Variants in PLAAT1 observed in about 807,000 individuals in gnomAD.
PLAAT1 encodes H-REV107 protein-related protein.
Under a neutral mutation model 16.4 loss-of-function variants are expected in PLAAT1, and 13 were observed. The ratio of observed to expected loss-of-function variants is 0.79; its 90% CI spans 0.52 to 1.26. PLAAT1 has a LOEUF of 1.26. Ranked by LOEUF, PLAAT1 falls within the 50% of genes most tolerant of loss-of-function variation. The pLI is 0.00. For missense variants in PLAAT1, 218 were observed against 207.8 expected (o/e 1.05, Z -0.30); for synonymous variants, 73 against 78.4 (o/e 0.93, Z 0.36).
downstream of PLAAT1, among the ~76,000 whole-genome samples, chr3:193,273,556 T>C (rs950015135): frequency 1.3e-5 from 2 of 152,202 alleles, no homozygotes; most frequent in African/African-American, 4.8e-5. Context: ...ATTGAATCCG[T>C]ACATCATGGT....
downstream of PLAAT1, chr3:193,279,310 G>T: frequency 7.6e-7 from 1 of 1,308,018 alleles, no homozygotes; most frequent in South Asian, 1.2e-5. Flanking sequence ...GAATTACAAT[G>T]AATACATGGT....
chr3:193,275,372 A>G, downstream of PLAAT1: 2 of 1,546,642 alleles, frequency 1.3e-6, no homozygotes, highest in South Asian at 2.4e-5. Flanking sequence ...GCTGGCCACC[A>G]CAGCCACCTC....
At chr3:193,271,687 A>G (rs562184504), downstream of PLAAT1, among the ~76,000 whole-genome samples, 2 of 152,320 alleles carry the variant, frequency 1.3e-5, no homozygotes, top group Admixed American at 1.3e-4. Flanking sequence ...CATCCGTCTT[A>G]TGCTATCATC....
intron 2 of PLAAT1, among the ~76,000 whole-genome samples, chr3:193,260,190 A>G (rs1162820258): frequency 2.0e-5 from 3 of 152,148 alleles, no homozygotes; most frequent in Non-Finnish European, 2.9e-5. Context: ...GCCTTTCACT[A>G]TGTACAAAAA....
At chr3:193,274,994 T>C, downstream of PLAAT1, 1 of 1,602,126 alleles carries the variant, frequency 6.2e-7, no homozygotes, top group Non-Finnish European at 8.5e-7. Context: ...ATGTGTTAAT[T>C]TTGGGGAAAA....
chr3:193,276,878 T>C (rs755917657), intron 2 of PLAAT1: 2 of 1,293,678 alleles, frequency 1.5e-6, no homozygotes, highest in Admixed American at 2.0e-5. Context: ...CTTCACACTT[T>C]GAAAAAAGAC....
At chr3:193,257,323 G>A (rs568578261) in intron 2 of PLAAT1, among the ~76,000 whole-genome samples, 1 of 152,266 alleles carries the variant, frequency 6.6e-6, no homozygotes, top group African/African-American at 2.4e-5. Flanking sequence ...AATAGGCAAT[G>A]GTGGGATTTG....
At chr3:193,274,135 C>T (rs536036102), downstream of PLAAT1, among the ~76,000 whole-genome samples, 11 of 151,826 alleles carry the variant, frequency 7.2e-5, no homozygotes, top group African/African-American at 2.4e-4. Context: ...CCCAGCTACT[C>T]GAGAGGCTGA....
chr3:193,279,383 T>C (rs1717377051), downstream of PLAAT1: 1 of 1,613,604 alleles, frequency 6.2e-7, no homozygotes, highest in Non-Finnish European at 8.5e-7. Context: ...CCACGGTATA[T>C]AACTTGAAAG....
downstream of PLAAT1, chr3:193,279,380 A>G (rs1717376556): frequency 6.2e-7 from 1 of 1,613,566 alleles, no homozygotes; most frequent in South Asian, 1.1e-5. Flanking sequence ...ATTCCACGGT[A>G]TATAACTTGA....
intron 1 of PLAAT1, among the ~76,000 whole-genome samples, chr3:193,247,695 G>A (rs1716031586): frequency 6.6e-6 from 1 of 151,976 alleles, no homozygotes; most frequent in African/African-American, 2.4e-5. Flanking sequence ...TTGACTCATT[G>A]GTTGTTGAAG....
At chr3:193,251,870 G>A (rs1415996431) in intron 1 of PLAAT1, among the ~76,000 whole-genome samples, 1 of 152,058 alleles carries the variant, frequency 6.6e-6, no homozygotes, top group East Asian at 1.9e-4. Context: ...GTAGGAGAAG[G>A]GATAGTTAGG....
intron 2 of PLAAT1, among the ~76,000 whole-genome samples, chr3:193,257,941 C>T (rs1028985266): frequency 1.3e-5 from 2 of 152,162 alleles, no homozygotes; most frequent in African/African-American, 4.8e-5. Context: ...CAGTGGTTTG[C>T]CAGGGACTCT....
In PLAAT1 at chr3:193,262,998, C is replaced by T. The variant is rs1442717864; in HGVS notation, c.168C>T (p.Ala56=). The T allele has an allele frequency of 4.3e-6, 7 of 1,614,010 alleles. No homozygotes were observed. In the South Asian group the frequency reaches 6.6e-5, roughly 15 times the overall value. ...GCATTCCTGCGTCCTTTACAAGCGC[C>T]AAGTCTGTATTCAGCAGTAAGGCCC... The part of the protein sequence containing the change: ...VDGIPASFTS[A]KSVFSSKALV... Residue 56 remains alanine, a synonymous_variant, in exon 3 of 4, where the codon GCC becomes GCT. Transcript: ENST00000264735.
chr3:193,242,364 G>A (rs994141018), intron 1 of PLAAT1, among the ~76,000 whole-genome samples: 1 of 152,162 alleles, frequency 6.6e-6, no homozygotes, highest in African/African-American at 2.4e-5. Flanking sequence ...AAAGAAGGCG[G>A]ATCGGAGGAA....
intron 1 of PLAAT1, among the ~76,000 whole-genome samples, chr3:193,252,884 G>A (rs1199750209): frequency 6.6e-6 from 1 of 152,086 alleles, no homozygotes; most frequent in African/African-American, 2.4e-5. Flanking sequence ...GAGGAGATTG[G>A]ACTAGGACTA....
At chr3:193,242,363 G>A (rs1459097700) in intron 1 of PLAAT1, among the ~76,000 whole-genome samples, 2 of 152,096 alleles carry the variant, frequency 1.3e-5, no homozygotes, top group African/African-American at 4.8e-5. Flanking sequence ...TAAAGAAGGC[G>A]GATCGGAGGA....
intron 3 of PLAAT1, among the ~76,000 whole-genome samples, chr3:193,265,667 G>T (rs749722964): frequency 6.6e-6 from 1 of 151,158 alleles, no homozygotes; most frequent in Non-Finnish European, 1.5e-5. Context: ...AAATAAAAAG[G>T]TTTGGGAAAA....
intron 1 of PLAAT1, among the ~76,000 whole-genome samples, chr3:193,246,450 C>T (rs922767111): frequency 2.0e-5 from 3 of 152,078 alleles, no homozygotes; most frequent in African/African-American, 7.2e-5. Context: ...CTGCAACCTC[C>T]ACCCGCATCG....
Sources: allele counts gnomAD v4.1 joint callset (sites outside exome capture counted in the v4.1 genomes callset), GRCh38; gene constraint gnomAD v4.1.1; transcripts MANE v1.5; gene names NCBI Gene and HGNC (gene_info 2026-07-23, HGNC 2026-07-21).